Variants in RANBP2 observed in about 807,000 individuals in gnomAD.
RANBP2 encodes the protein E3 SUMO-protein ligase RanBP2.
In RANBP2, 57 loss-of-function variants were observed where a neutral mutation model predicts 303.6. That is an observed-to-expected ratio of 0.19 (90% CI 0.15 to 0.23). The LOEUF (loss-of-function observed/expected upper bound fraction) is 0.23. Among genes scored for constraint, RANBP2 ranks in the 10% least tolerant of loss-of-function variants. The pLI, the probability that RANBP2 is intolerant of heterozygous loss-of-function variation, is 1.00. For synonymous variants in RANBP2, 1,167 were observed against 1,301.5 expected (o/e 0.90, Z 2.23); for missense variants, 3,138 against 3,780.8 (o/e 0.83, Z 4.46).
intron 17 of RANBP2, among the ~76,000 whole-genome samples, chr2:108,757,407 T>C (rs1216000023): frequency 1.3e-5 from 2 of 152,238 alleles, no homozygotes; most frequent in East Asian, 3.8e-4. Context: ...ATTCCAGCTG[T>C]TATTCCCTGC....
At chr2:109,122,984 G>A in the RANBP2 span, among the ~76,000 whole-genome samples, 3 of 152,136 alleles carry the variant, frequency 2.0e-5, no homozygotes, top group Admixed American at 2.0e-4. Flanking sequence ...AGGCAGCCTC[G>A]GTAACTTGCA....
At chr2:108,888,443 G>A in the RANBP2 span, among the ~76,000 whole-genome samples, 1 of 151,964 alleles carries the variant, frequency 6.6e-6, no homozygotes, top group Non-Finnish European at 1.5e-5. Flanking sequence ...AGGAGGGTTG[G>A]TGTTATTTCT....
the RANBP2 span, chr2:109,503,395 T>C: frequency 6.6e-6 from 1 of 152,168 alleles, no homozygotes; most frequent in Non-Finnish European, 1.5e-5. Context: ...GTGACTTGGC[T>C]ACTTGTTACT....
chr2:109,393,587 C>T, the RANBP2 span, among the ~76,000 whole-genome samples: 24 of 152,138 alleles, frequency 1.6e-4, no homozygotes, highest in African/African-American at 5.8e-4. Context: ...CATGTGTTGC[C>T]TTCTTGTTAA....
At chr2:109,222,113 G>C in the RANBP2 span, among the ~76,000 whole-genome samples, 1 of 152,126 alleles carries the variant, frequency 6.6e-6, no homozygotes, top group Non-Finnish European at 1.5e-5. Context: ...GCAAATATTG[G>C]ACGATCTCAC....
the RANBP2 span, among the ~76,000 whole-genome samples, chr2:108,854,008 AT>A: frequency 2.0e-5 from 2 of 99,616 alleles, no homozygotes; most frequent in African/African-American, 8.1e-5. Flanking sequence ...TATATTATAT[AT>A]AATATATAAT....
chr2:109,197,297 C>A, the RANBP2 span, among the ~76,000 whole-genome samples: 1 of 152,142 alleles, frequency 6.6e-6, no homozygotes, highest in Non-Finnish European at 1.5e-5. Context: ...TGGCCTCATT[C>A]TGGGAGGGCT....
the RANBP2 span, among the ~76,000 whole-genome samples, chr2:109,314,724 C>G: frequency 6.6e-6 from 1 of 152,290 alleles, no homozygotes; most frequent in African/African-American, 2.4e-5. Context: ...TTTACAAGTG[C>G]ATAATATCCA....
the RANBP2 span, chr2:109,732,617 T>C: frequency 2.3e-6 from 1 of 440,088 alleles, no homozygotes; most frequent in Non-Finnish European, 4.5e-6. Flanking sequence ...GCTGGGACTA[T>C]AGGCACATGC....
chr2:109,085,956 C>T, the RANBP2 span, among the ~76,000 whole-genome samples: 1 of 152,218 alleles, frequency 6.6e-6, no homozygotes, highest in African/African-American at 2.4e-5. Flanking sequence ...TACATTCATG[C>T]CATGTACTGC....
chr2:109,593,451 A>C, the RANBP2 span, among the ~76,000 whole-genome samples: 1 of 137,768 alleles, frequency 7.3e-6, no homozygotes, highest in East Asian at 2.2e-4. Flanking sequence ...TGTCACCCAG[A>C]CTGGAGTGCA....
the RANBP2 span, among the ~76,000 whole-genome samples, chr2:109,326,103 T>G: frequency 6.6e-6 from 1 of 152,210 alleles, no homozygotes; most frequent in African/African-American, 2.4e-5. Flanking sequence ...GGTAAAACAT[T>G]TAAGGACACA....
At chr2:108,919,311 C>G in the RANBP2 span, among the ~76,000 whole-genome samples, 1 of 152,218 alleles carries the variant, frequency 6.6e-6, no homozygotes, top group Non-Finnish European at 1.5e-5. Flanking sequence ...GATAAGAAAA[C>G]AGCTGCCAGG....
the RANBP2 span, among the ~76,000 whole-genome samples, chr2:108,935,115 C>G: frequency 6.6e-6 from 1 of 152,166 alleles, no homozygotes; most frequent in Non-Finnish European, 1.5e-5. Context: ...TCAAATCTGG[C>G]GCTTTACGGA....
chr2:109,138,109 G>A, the RANBP2 span, among the ~76,000 whole-genome samples: 3 of 152,218 alleles, frequency 2.0e-5, no homozygotes, highest in South Asian at 4.1e-4. Context: ...TCCGCCTCCA[G>A]GGTTCAAGCT....
chr2:109,223,830 T>C, the RANBP2 span, among the ~76,000 whole-genome samples: 1 of 152,188 alleles, frequency 6.6e-6, no homozygotes, highest in African/African-American at 2.4e-5. Context: ...GAAAGTGAAA[T>C]TAAAATCTGT....
the RANBP2 span, among the ~76,000 whole-genome samples, chr2:108,860,950 T>TTTTTTTTTTTTTTTTTTG: frequency 7.0e-6 from 1 of 141,880 alleles, no homozygotes; most frequent in Non-Finnish European, 1.5e-5. Context: ...TTTTTTTTTT[T>TTTTTTTTTTTTTTTTTTG]TTTTTTTTGG....
downstream of RANBP2, chr2:108,788,240 G>A (rs1679253325): frequency 1.4e-6 from 1 of 704,442 alleles, no homozygotes; most frequent in South Asian, 2.1e-5. Flanking sequence ...CCAACATAGT[G>A]AAATCCCGTC....
chr2:109,232,412 T>A, the RANBP2 span, among the ~76,000 whole-genome samples: 1 of 152,250 alleles, frequency 6.6e-6, no homozygotes, highest in African/African-American at 2.4e-5. Flanking sequence ...CCTGGCTGAG[T>A]CACTTAATTT....
Sources: gnomAD v4.1 joint callset for allele counts (sites outside exome capture counted in the v4.1 genomes callset) on GRCh38, gnomAD v4.1.1 for gene constraint, MANE v1.5 for transcripts, NCBI Gene and HGNC (gene_info 2026-07-23, HGNC 2026-07-21) for gene names.